The following TRPC4 variants were observed in gnomAD, a reference collection of about 807,000 sequenced individuals.
TRPC4 encodes transient receptor potential cation channel subfamily C member 4.
A neutral mutation model predicts 99.4 loss-of-function variants in TRPC4; 49 were observed. The ratio of observed to expected loss-of-function variants is 0.49; its 90% confidence interval spans 0.39 to 0.63. The LOEUF (loss-of-function observed/expected upper bound fraction) is 0.63. Among genes scored for constraint, TRPC4 ranks in the 20% least tolerant of loss-of-function variants. TRPC4 has a pLI of 0.00. For missense variants in TRPC4, 898 were observed against 1,152.9 expected, an observed-to-expected ratio of 0.78 and a Z score of 3.20; for synonymous variants, 454 against 425.9, an observed-to-expected ratio of 1.07 and a Z score of -0.81.
At chr13:37,812,437 A>C (rs959618349) in intron 1 of TRPC4, among the ~76,000 whole-genome samples, 1 of 152,040 alleles carries the variant, frequency 6.6e-6, no homozygotes, top group Non-Finnish European at 1.5e-5. Context: ...GAAAAGCTAC[A>C]TTATGACAGT....
chr13:37,784,241 A>G (rs975389456), intron 1 of TRPC4, among the ~76,000 whole-genome samples: 1 of 152,178 alleles, frequency 6.6e-6, no homozygotes, highest in African/African-American at 2.4e-5. Flanking sequence ...TATTATAAAA[A>G]TGTTATTTTC....
rs535967383 is a variant in TRPC4, at chr13:37,760,349, A to G, written c.379-13894T>C. ...TCCCTCTCACCTATCCAGTTCTGCC[A>G]CTCAGAACCCATCTTAAGTATTATA... On this transcript the variant is annotated intron_variant, in intron 2 of 10. Transcript: ENST00000379705. 7.2e-5 allele frequency among the ~76,000 whole-genome samples: 11 copies of G among 152,046 alleles called. No individual in the cohort carries two copies. The South Asian group carries it at 1.7e-3, about 23-fold the overall frequency.
chr13:37,682,644 C>T (rs553306102), intron 4 of TRPC4, among the ~76,000 whole-genome samples: 3 of 152,314 alleles, frequency 2.0e-5, no homozygotes, highest in South Asian at 2.1e-4. Flanking sequence ...CTGTTCCCAA[C>T]CACCTAGCCC....
At chr13:37,785,074 C>T (rs1242849835) in intron 1 of TRPC4, among the ~76,000 whole-genome samples, 3 of 152,056 alleles carry the variant, frequency 2.0e-5, no homozygotes, top group Non-Finnish European at 4.4e-5. Context: ...GATGCTTTAA[C>T]TCACTCTAGA....
chr13:37,661,459 C>T (rs1175737480), intron 6 of TRPC4, among the ~76,000 whole-genome samples: 1 of 152,108 alleles, frequency 6.6e-6, no homozygotes, highest in Non-Finnish European at 1.5e-5. Context: ...GAGCTTTTCC[C>T]TGAAATAAAG....
chr13:37,773,296 A>C (rs1956605117), intron 2 of TRPC4, among the ~76,000 whole-genome samples: 1 of 151,736 alleles, frequency 6.6e-6, no homozygotes. Context: ...CTCAAATCTC[A>C]CTTGAGCAAG....
chr13:37,764,484 ATGTTTTGTTTTT>A (rs1956305799), intron 2 of TRPC4, among the ~76,000 whole-genome samples: 3 of 150,768 alleles, frequency 2.0e-5, no homozygotes, highest in Admixed American at 1.3e-4. Flanking sequence ...TTTGTAGATG[ATGTTTTGTTTTT>A]ATGTAGACAA....
intron 8 of TRPC4, among the ~76,000 whole-genome samples, chr13:37,639,641 A>C (rs1951653496): frequency 6.6e-6 from 1 of 151,948 alleles, no homozygotes. Context: ...ATATCAAATA[A>C]AAATTTAAAA....
intron 1 of TRPC4, among the ~76,000 whole-genome samples, chr13:37,869,259 G>T (rs1960000485): frequency 6.6e-6 from 1 of 151,910 alleles, no homozygotes. Context: ...GCACCACGGC[G>T]TGGCTGCAGC....
At chr13:37,759,582 T>C (rs1419548242) in intron 2 of TRPC4, among the ~76,000 whole-genome samples, 2 of 151,920 alleles carry the variant, frequency 1.3e-5, no homozygotes, top group African/African-American at 4.8e-5. Context: ...TATAAGCAGA[T>C]ATTTTACAGA....
intron 8 of TRPC4, among the ~76,000 whole-genome samples, chr13:37,650,133 C>T (rs1431427726): frequency 1.3e-5 from 2 of 152,170 alleles, no homozygotes; most frequent in Non-Finnish European, 2.9e-5. Flanking sequence ...ATGACAATGC[C>T]TGGTGGGCAA....
intron 8 of TRPC4, among the ~76,000 whole-genome samples, chr13:37,640,977 C>T (rs1407843549): frequency 6.6e-6 from 1 of 152,022 alleles, no homozygotes; most frequent in African/African-American, 2.4e-5. Flanking sequence ...CTTCTAAAAT[C>T]CAATGAGGAA....
At chr13:37,726,901 T>C (rs994730928) in intron 3 of TRPC4, among the ~76,000 whole-genome samples, 2 of 152,158 alleles carry the variant, frequency 1.3e-5, no homozygotes, top group Non-Finnish European at 2.9e-5. Flanking sequence ...ATAATTATTA[T>C]AAACATTGAC....
chr13:37,794,197 T>C (rs867046194), intron 1 of TRPC4, among the ~76,000 whole-genome samples: 1 of 103,080 alleles, frequency 9.7e-6, no homozygotes, highest in South Asian at 2.8e-4. Flanking sequence ...TACATATGGG[T>C]AATTGGTGGT....
intron 1 of TRPC4, among the ~76,000 whole-genome samples, chr13:37,807,392 G>A (rs1259561746): frequency 6.6e-6 from 1 of 151,896 alleles, no homozygotes; most frequent in Non-Finnish European, 1.5e-5. Context: ...TTCACTTTTA[G>A]CCTCTGTCCC....
chr13:37,868,095 A>C (rs1381602055), intron 1 of TRPC4, among the ~76,000 whole-genome samples: 1 of 152,160 alleles, frequency 6.6e-6, no homozygotes, highest in East Asian at 1.9e-4. Context: ...AATAGCTATA[A>C]AATTCAAAGA....
intron 6 of TRPC4, among the ~76,000 whole-genome samples, chr13:37,662,309 TAA>T (rs58318459): frequency 8.1e-5 from 12 of 148,624 alleles, no homozygotes; most frequent in African/African-American, 1.5e-4. Flanking sequence ...AACTCTGCCT[TAA>T]AAAAAAAAAA....
At chr13:37,703,285 A>G (rs1954160327) in intron 3 of TRPC4, among the ~76,000 whole-genome samples, 1 of 152,174 alleles carries the variant, frequency 6.6e-6, no homozygotes, top group Non-Finnish European at 1.5e-5. Context: ...TTTAATTAAC[A>G]TTTTGGACCA....
In TRPC4 at chr13:37,692,324, C is replaced by T; in HGVS notation, c.909G>A (p.Gln303=). ...IKYRQKEFVA[Q]PNCQQLLASR... ...ATGCCAGCAGCTGTTGACAATTGGG[C>T]TGGGCAACAAACTAAACAGAAGGGA... is the stretch of plus-strand genomic sequence containing the variant. Residue 303 remains glutamine, a synonymous_variant, in exon 4 of 11, where the codon CAG becomes CAA. Coordinates refer to ENST00000379705, the MANE Select transcript of TRPC4 (RefSeq NM_016179.4). 1.9e-6 allele frequency: 3 copies of T among 1,612,898 alleles called. No homozygotes were observed. The highest frequency in any genetic ancestry group is 1.7e-6 in the Non-Finnish European group (2 of 1,179,216).
Sources: gnomAD v4.1 joint callset for allele counts (sites outside exome capture counted in the v4.1 genomes callset) on GRCh38, gnomAD v4.1.1 for gene constraint, MANE v1.5 for transcripts, NCBI Gene and HGNC (gene_info 2026-07-23, HGNC 2026-07-21) for gene names.